Variants in HEXB observed in about 807,000 individuals in gnomAD.
The protein encoded by HEXB is beta-hexosaminidase subunit beta.
Under a neutral mutation model 71.2 loss-of-function variants are expected in HEXB, and 51 were observed. That is an observed-to-expected ratio of 0.72 (90% confidence interval 0.57 to 0.90). The LOEUF is 0.90. HEXB is among the 40% of genes least tolerant of loss of function. HEXB has a pLI of 0.00. For missense variants in HEXB, 617 were observed against 677.0 expected, an observed-to-expected ratio of 0.91 and a Z score of 0.98; for synonymous variants, 266 against 249.3, an observed-to-expected ratio of 1.07 and a Z score of -0.63.
intron 1 of HEXB, among the ~76,000 whole-genome samples, chr5:74,646,569 C>CT (rs1356916050): frequency 0.018 from 2,523 of 139,732 alleles, 90 homozygotes; most frequent in Admixed American, 0.087. Context: ...ACAATTCATT[C>CT]TTTTTTTTTT....
At chr5:74,696,778 C>G in intron 4 of HEXB, 39 bp downstream of exon 4, 1 of 1,086,326 alleles carries the variant, frequency 9.2e-7, no homozygotes, top group Non-Finnish European at 1.4e-6. Flanking sequence ...AATTGTTAGA[C>G]AAATTGCTAA....
chr5:74,700,988 G>A (rs906585007), intron 5 of HEXB, among the ~76,000 whole-genome samples: 3 of 151,710 alleles, frequency 2.0e-5, no homozygotes, highest in Non-Finnish European at 4.4e-5. Context: ...GATTACAGGC[G>A]TGAGCCCCCA....
intron 1 of HEXB, among the ~76,000 whole-genome samples, chr5:74,671,416 CAA>C (rs111798694): frequency 7.2e-6 from 1 of 138,544 alleles, no homozygotes; most frequent in African/African-American, 2.7e-5. Flanking sequence ...AGAAACCAGA[CAA>C]AAAAAAAAGC....
chr5:74,654,127 C>T (rs1473404452), intron 1 of HEXB, among the ~76,000 whole-genome samples: 1 of 152,158 alleles, frequency 6.6e-6, no homozygotes, highest in African/African-American at 2.4e-5. Context: ...GTGTAGCCAG[C>T]TCACACTAGG....
At chr5:74,670,552 A>G (rs1040969241) in intron 1 of HEXB, among the ~76,000 whole-genome samples, 1 of 152,208 alleles carries the variant, frequency 6.6e-6, no homozygotes, top group South Asian at 2.1e-4. Flanking sequence ...CAGCTGCCTC[A>G]TGTAACAGGA....
At chr5:74,686,133 G>GTCAGTGGT (rs3834249) in intron 1 of HEXB, among the ~76,000 whole-genome samples, 19,291 of 152,084 alleles carry the variant, frequency 0.13, 1,558 homozygotes, top group East Asian at 0.24. Flanking sequence ...CGTTTCTGCG[G>GTCAGTGGT]TCAGTGGTTA....
intron 1 of HEXB, among the ~76,000 whole-genome samples, chr5:74,657,220 G>C (rs1008194794): frequency 5.9e-5 from 9 of 152,192 alleles, no homozygotes; most frequent in African/African-American, 2.2e-4. Context: ...TCCTTTCCAT[G>C]AGCCACAAGG....
At chr5:74,698,696 T>C (rs1254824521) in intron 5 of HEXB, among the ~76,000 whole-genome samples, 4 of 151,910 alleles carry the variant, frequency 2.6e-5, no homozygotes, top group Non-Finnish European at 5.9e-5. Context: ...GGCCTAAAAA[T>C]TATTTTTACA....
chr5:74,712,078 A>G lies in HEXB; in HGVS notation c.772-1428A>G, dbSNP rs1296464800. On this transcript the variant is annotated intron_variant, in intron 6 of 13. Transcript: ENST00000261416. ...TGGATTAAGAAAATGTGGCACATATACACCATGGAATACTATGCAGCCATA... is the reference window on the plus strand; with the variant it reads ...TGGATTAAGAAAATGTGGCACATATGCACCATGGAATACTATGCAGCCATA... 2.1e-5 allele frequency among the ~76,000 whole-genome samples: 3 copies of G among 144,584 alleles called. No individual in the cohort carries two copies. The Admixed American group carries it at 2.1e-4, about 10-fold the overall frequency. 94.9% of individuals were successfully genotyped at this position (144,584 alleles called of 152,430 possible). A position where few individuals can be genotyped will look rare whatever the true frequency, so the allele number is the denominator to read the frequency against.
intron 1 of HEXB, among the ~76,000 whole-genome samples, chr5:74,656,232 G>A (rs530828222): frequency 6.6e-6 from 1 of 152,158 alleles, no homozygotes; most frequent in East Asian, 1.9e-4. Flanking sequence ...TAGCCGGGTG[G>A]ATCACTTGAG....
At chr5:74,710,907 C>T (rs1406402250) in intron 6 of HEXB, among the ~76,000 whole-genome samples, 2 of 152,140 alleles carry the variant, frequency 1.3e-5, no homozygotes, top group Non-Finnish European at 2.9e-5. Flanking sequence ...CTACCAATGA[C>T]TTTCTTCACA....
intron 11 of HEXB, 177 bp from the exon 12 acceptor site, chr5:74,720,251 G>T (rs1402029921): frequency 3.2e-6 from 2 of 633,024 alleles, no homozygotes; most frequent in Non-Finnish European, 5.7e-6. Flanking sequence ...TGGGGGGTGG[G>T]GGAAGAGGAG....
intron 1 of HEXB, among the ~76,000 whole-genome samples, chr5:74,643,255 TCA>T (rs1431733117): frequency 8.5e-5 from 13 of 152,154 alleles, no homozygotes; most frequent in African/African-American, 3.1e-4. Context: ...TCATAGCAAT[TCA>T]AACGGTGTAA....
intron 1 of HEXB, among the ~76,000 whole-genome samples, chr5:74,680,020 G>A (rs1748710252): frequency 6.6e-6 from 1 of 152,196 alleles, no homozygotes; most frequent in East Asian, 1.9e-4. Flanking sequence ...TCAAACAATA[G>A]AGCGTATCTT....
intron 7 of HEXB, among the ~76,000 whole-genome samples, chr5:74,713,950 C>A (rs1036424050): frequency 4.6e-5 from 7 of 152,220 alleles, no homozygotes; most frequent in Non-Finnish European, 5.9e-5. Context: ...AAGCGATTCT[C>A]CTGCCTCAGC....
At chr5:74,666,426 G>T (rs578187598) in intron 1 of HEXB, among the ~76,000 whole-genome samples, 4 of 152,334 alleles carry the variant, frequency 2.6e-5, no homozygotes, top group East Asian at 3.9e-4. Flanking sequence ...AATGGCCCAG[G>T]TTGGCTCTGA....
At chr5:74,662,971 C>G (rs58047404) in intron 1 of HEXB, among the ~76,000 whole-genome samples, 55,212 of 151,934 alleles carry the variant, frequency 0.36, 10,329 homozygotes, top group Admixed American at 0.44. Flanking sequence ...AGTAATTTCC[C>G]CTCCCCACCA....
At chr5:74,662,618 A>G (rs1346786108) in intron 1 of HEXB, among the ~76,000 whole-genome samples, 6 of 152,222 alleles carry the variant, frequency 3.9e-5, no homozygotes, top group Admixed American at 6.5e-5. Context: ...GCTTCCCAAA[A>G]TGACTGTACC....
Position 74,685,247 on chromosome 5 carries a change from G to C in HEXB, c.-14G>C, listed in dbSNP as rs886060749. The C allele has an allele frequency of 1.3e-6, 2 of 1,497,518 alleles. No individual in the cohort carries two copies. Among genetic ancestry groups the C allele is most frequent in the Admixed American group, 4.3e-5 (2 of 46,150 alleles). The allele number at this position is 1,497,518 out of a possible 1,614,324, so 92.8% of individuals were successfully genotyped here. On this transcript the variant is annotated 5_prime_UTR_variant, in exon 1 of 14. Transcript: ENST00000261416. ...TCCGGCTCGGCAGACCGGGCGGAAA[G>C]CAGCCGAGCGGCCATGGAGCTGTGC...
Sources: allele counts gnomAD v4.1 joint callset (sites outside exome capture counted in the v4.1 genomes callset), GRCh38; gene constraint gnomAD v4.1.1; transcripts MANE v1.5; gene names NCBI Gene and HGNC (gene_info 2026-07-23, HGNC 2026-07-21).